HELLS: variants seen among roughly 807,000 people sequenced by gnomAD.
The protein encoded by HELLS is lymphoid-specific helicase.
A neutral mutation model predicts 120.0 loss-of-function variants in HELLS; 32 were observed. That is an observed-to-expected ratio of 0.27 (90% confidence interval 0.20 to 0.36). The LOEUF (loss-of-function observed/expected upper bound fraction) is 0.36, where lower values mean the gene tolerates loss of function less well. HELLS is among the 10% of genes least tolerant of loss of function. The probability of loss-of-function intolerance (pLI) is 1.00; values close to 1 mark genes in which losing one functional copy is unlikely to be tolerated. For missense variants in HELLS, 650 were observed against 993.4 expected (o/e 0.65, Z 4.65); for synonymous variants, 341 against 323.4 (o/e 1.05, Z -0.58).
intron 4 of HELLS, among the ~76,000 whole-genome samples, chr10:94,558,711 C>T (rs181629442): frequency 1.3e-5 from 2 of 152,210 alleles, no homozygotes; most frequent in Non-Finnish European, 2.9e-5. Context: ...ACGCCATTCT[C>T]CTGTCTCAGC....
intron 11 of HELLS, among the ~76,000 whole-genome samples, chr10:94,581,990 CTG>C (rs1844892991): frequency 6.6e-6 from 1 of 152,100 alleles, no homozygotes; most frequent in Non-Finnish European, 1.5e-5. Context: ...ATTCTGGAAA[CTG>C]TTTGAATCTT....
rs1010878847 is a variant in HELLS at position 94,574,622 on chromosome 10, C to T, written c.774C>T (p.Cys258=). Residue 258 remains cysteine (C), a synonymous_variant, in exon 9 of 22, where the codon TGC becomes TGT. Coordinates refer to ENST00000348459, the MANE Select transcript of HELLS (RefSeq NM_018063.5). ...DEMGLGKTVQ[C]IATIALMIQR... ...TGGGATTGGGTAAGACAGTTCAGTG[C>T]ATTGCTACTATTGCATTGATGATTC... 4 of 1,613,280 alleles carry T rather than the reference C, an allele frequency of 2.5e-6. No individual in the cohort carries two copies. The highest frequency in any genetic ancestry group is 1.1e-5 in the South Asian group (1 of 91,068).
chr10:94,608,243 G>A (rs1846149055), intron 9 of HELLS, among the ~76,000 whole-genome samples: 3 of 152,116 alleles, frequency 2.0e-5, no homozygotes. Flanking sequence ...GGATAAATGA[G>A]GTCTAAAGAC....
rs555897498 is a variant in HELLS, at chr10:94,553,480, C to T, written c.154-646C>T. The stretch of plus-strand genomic sequence containing the variant: ...GCCAGGATGGTCTCAAACTCCTGAC[C>T]TCAGGTGATCCACCCTCCTCGGCCT... On this transcript the variant is annotated intron_variant, in intron 2 of 21. Coordinates refer to ENST00000348459, the MANE Select transcript of HELLS (RefSeq NM_018063.5). 4.6e-5 allele frequency among the ~76,000 whole-genome samples: 7 copies of T among 151,662 alleles called. No individual in the cohort carries two copies. In the East Asian group the frequency reaches 1.4e-3, roughly 30 times the overall value.
chr10:94,558,134 T>TA lies in HELLS; in HGVS notation c.277-4dup. On this transcript the variant is annotated splice_region_variant and splice_polypyrimidine_tract_variant and intron_variant, in intron 3 of 21. Coordinates refer to ENST00000348459, the MANE Select transcript of HELLS (RefSeq NM_018063.5). ...CTTGTGACATAAGAAAAAATTGTCTTACAGGAACAGAAGAAGAAAGAAAAA... is the reference window on the plus strand; with the variant it reads ...CTTGTGACATAAGAAAAAATTGTCTTAACAGGAACAGAAGAAGAAAGAAAAA... 1 of 1,564,102 alleles carries TA rather than the reference T, an allele frequency of 6.4e-7. No homozygotes were observed. Among genetic ancestry groups the TA allele is most frequent in the Non-Finnish European group, 8.6e-7 (1 of 1,164,102 alleles).
intron 10 of HELLS, among the ~76,000 whole-genome samples, chr10:94,579,958 T>A (rs1844740938): frequency 6.6e-6 from 1 of 151,728 alleles, no homozygotes; most frequent in Admixed American, 6.6e-5. Context: ...ATATTATCAT[T>A]TCAAGGATCT....
intron 3 of HELLS, among the ~76,000 whole-genome samples, chr10:94,555,664 CTG>C (rs1470092926): frequency 1.3e-5 from 2 of 152,120 alleles, no homozygotes; most frequent in Non-Finnish European, 2.9e-5. Flanking sequence ...GAGTCTTACT[CTG>C]TTGCCCAGGC....
intron 12 of HELLS, among the ~76,000 whole-genome samples, chr10:94,584,671 T>C: frequency 6.6e-6 from 1 of 152,154 alleles, no homozygotes; most frequent in Non-Finnish European, 1.5e-5. Context: ...TAGATAGATA[T>C]TCCTTAGAAA....
rs1468789015 is a variant in HELLS, at chr10:94,581,535, G to T, written c.1229+13G>T. On this transcript the variant is annotated intron_variant, in intron 11 of 21. Transcript: ENST00000348459. ...ATGACTTGAAAAGGTGGGTAAGCCA[G>T]TTATTTAATGATTTAACCTCAAAAA... The T allele has an allele frequency of 1.3e-6, 2 of 1,565,264 alleles. No individual in the cohort carries two copies. The highest frequency in any genetic ancestry group is 1.7e-6 in the Non-Finnish European group (2 of 1,152,216).
Position 94,570,719 on chromosome 10 carries a change from T to A in HELLS, c.436-669T>A, listed in dbSNP as rs544341744. Reference sequence around the variant, plus strand: ...TTGTCTCCCTACCAGCAGCATCTAGTAGGTACTTCAAAATCAGAGCACTTT... The same window carrying A: ...TTGTCTCCCTACCAGCAGCATCTAGAAGGTACTTCAAAATCAGAGCACTTT... On this transcript the variant is annotated intron_variant, in intron 6 of 21. Transcript: ENST00000348459. 3 of 152,132 alleles carry A rather than the reference T, an allele frequency of 2.0e-5. No individual in the cohort carries two copies. In the East Asian group the frequency reaches 5.8e-4, roughly 29 times the overall value. 9.4% of individuals were successfully genotyped at this position (152,132 alleles called of 1,614,324 possible).
chr10:94,584,690 T>C (rs1203656872), intron 12 of HELLS, among the ~76,000 whole-genome samples: 1 of 152,174 alleles, frequency 6.6e-6, no homozygotes, highest in East Asian at 1.9e-4. Context: ...AATGATCATC[T>C]GCCTTTTGAT....
intron 7 of HELLS, among the ~76,000 whole-genome samples, 159 bp downstream of exon 7, chr10:94,571,588 ATTC>A (rs962755012): frequency 3.3e-5 from 5 of 152,002 alleles, no homozygotes; most frequent in African/African-American, 1.2e-4. Flanking sequence ...CATATCCAAC[ATTC>A]TTCTTTTTTA....
intron 19 of HELLS, 107 bp from the exon 20 acceptor site, chr10:94,596,753 T>A (rs1845759258): frequency 1.8e-6 from 1 of 562,112 alleles, no homozygotes; most frequent in African/African-American, 1.9e-5. Context: ...TTATCAACAC[T>A]TTTTTTTGCC....
At chr10:94,608,908 C>T (rs1244990935) in intron 9 of HELLS, among the ~76,000 whole-genome samples, 1 of 151,952 alleles carries the variant, frequency 6.6e-6, no homozygotes, top group African/African-American at 2.4e-5. Context: ...TCTTGGCCTC[C>T]CAATAGCATA....
chr10:94,591,531 C>G (rs577457733), intron 15 of HELLS, among the ~76,000 whole-genome samples: 2 of 152,272 alleles, frequency 1.3e-5, no homozygotes, highest in African/African-American at 4.8e-5. Context: ...ATAATTCTTT[C>G]TTAGGAGGTA....
chr10:94,580,193 T>C lies in HELLS; in HGVS notation c.1033-1133T>C, dbSNP rs1341676591. Among the ~76,000 whole-genome samples the C allele has an allele frequency of 3.6e-3, 500 of 138,528 alleles. 8 individuals carry two copies. Among genetic ancestry groups the C allele is most frequent in the African/African-American group, 0.013 (482 of 38,206 alleles). The allele number at this position is 138,528 out of a possible 152,430, so 90.9% of individuals were successfully genotyped here. A position where few individuals can be genotyped will look rare whatever the true frequency, so the allele number is the denominator to read the frequency against. ...CACACACACACACACACATTTTTTT[T>C]TTTTTTTTTTTGAGACAGTCTCACT... On this transcript the variant is annotated intron_variant, in intron 10 of 21. Transcript: ENST00000348459.
At chr10:94,578,886 T>C (rs985835944) in intron 10 of HELLS, among the ~76,000 whole-genome samples, 2 of 152,158 alleles carry the variant, frequency 1.3e-5, no homozygotes, top group African/African-American at 4.8e-5. Flanking sequence ...GAGAATATAA[T>C]GTCTCCTGAT....
chr10:94,573,766 AT>A (rs377102712), intron 7 of HELLS, among the ~76,000 whole-genome samples, 193 bp from the exon 8 acceptor site: 16 of 145,534 alleles, frequency 1.1e-4, no homozygotes, highest in East Asian at 4.0e-4. Flanking sequence ...GCAGCCTGTT[AT>A]TTTTTTTTTT....
At chr10:94,594,319 A>G (rs1845640633) in intron 18 of HELLS, among the ~76,000 whole-genome samples, 1 of 152,074 alleles carries the variant, frequency 6.6e-6, no homozygotes, top group Non-Finnish European at 1.5e-5. Context: ...TCTCTCAAGT[A>G]GCTGGGTCTA....
Sources: gnomAD v4.1 joint callset for allele counts (sites outside exome capture counted in the v4.1 genomes callset) on GRCh38, gnomAD v4.1.1 for gene constraint, MANE v1.5 for transcripts, NCBI Gene and HGNC (gene_info 2026-07-23, HGNC 2026-07-21) for gene names.